The following CADM2 variants were observed in gnomAD, a reference collection of about 807,000 sequenced individuals.
The protein encoded by CADM2 is immunoglobulin superfamily member 4D.
In CADM2, 12 loss-of-function variants were observed where a neutral mutation model predicts 49.8. The ratio of observed to expected loss-of-function variants is 0.24; its 90% CI spans 0.15 to 0.39. The LOEUF is 0.39. Among genes scored for constraint, CADM2 ranks in the 10% least tolerant of loss-of-function variants. CADM2 has a pLI of 1.00. For synonymous variants in CADM2, 214 were observed against 175.4 expected (o/e 1.22, Z -1.74); for missense variants, 378 against 492.3 (o/e 0.77, Z 2.20).
At chr3:85,406,348 A>G (rs2035376743) in intron 1 of CADM2, among the ~76,000 whole-genome samples, 1 of 152,166 alleles carries the variant, frequency 6.6e-6, no homozygotes, top group East Asian at 1.9e-4. Flanking sequence ...CACATCACAA[A>G]TATTTTTTGA....
At chr3:85,107,901 A>G (rs568579286) in intron 1 of CADM2, among the ~76,000 whole-genome samples, 2 of 151,698 alleles carry the variant, frequency 1.3e-5, no homozygotes, top group East Asian at 3.9e-4. Context: ...GGGTTTTGCA[A>G]TGTTTGGCCA....
At chr3:85,938,716 A>C (rs148778031) in intron 7 of CADM2, among the ~76,000 whole-genome samples, 1 of 152,062 alleles carries the variant, frequency 6.6e-6, no homozygotes, top group Non-Finnish European at 1.5e-5. Context: ...GCAATACTAT[A>C]GCTTAGTATT....
chr3:85,905,548 T>C (rs1716684590), intron 5 of CADM2, among the ~76,000 whole-genome samples: 1 of 152,078 alleles, frequency 6.6e-6, no homozygotes, highest in African/African-American at 2.4e-5. Flanking sequence ...GATACTGTCC[T>C]AGATGCTGTA....
At chr3:84,976,799 C>T (rs2107117909) in intron 1 of CADM2, among the ~76,000 whole-genome samples, 1 of 152,002 alleles carries the variant, frequency 6.6e-6, no homozygotes, top group East Asian at 1.9e-4. Context: ...TATTAGTAAT[C>T]AATGGCTGCA....
chr3:85,457,539 A>G (rs887047899), intron 1 of CADM2, among the ~76,000 whole-genome samples: 1 of 152,136 alleles, frequency 6.6e-6, no homozygotes, highest in Non-Finnish European at 1.5e-5. Context: ...CTTTCTCTAT[A>G]CTATCATCAT....
At position 85,151,185 on chromosome 3, in the gene CADM2, A is replaced by C. The variant is rs571162440; in HGVS notation, c.61+191517A>C. 2.6e-5 allele frequency among the ~76,000 whole-genome samples: 4 copies of C among 152,216 alleles called. No individual in the cohort carries two copies. In the South Asian group the frequency reaches 8.3e-4, roughly 32 times the overall value. On this transcript the variant is annotated intron_variant, in intron 1 of 9. Coordinates refer to ENST00000383699, the MANE Select transcript of CADM2 (RefSeq NM_001167675.2). ...TTGCCTTTGATTTTGGGAGTGCTAT[A>C]GAGACTGCTCAGTTAATTTTATACA...
chr3:85,359,662 ATATAT>A (rs1301042744), intron 1 of CADM2, among the ~76,000 whole-genome samples: 8 of 25,924 alleles, frequency 3.1e-4, no homozygotes, highest in South Asian at 1.1e-3. Context: ...ATATATATAT[ATATAT>A]TTTTTTTTTT....
chr3:85,868,924 T>G (rs527566420), intron 3 of CADM2, among the ~76,000 whole-genome samples: 1 of 152,304 alleles, frequency 6.6e-6, no homozygotes, highest in South Asian at 2.1e-4. Context: ...ATTGGATCGT[T>G]TATTGTAATA....
At chr3:85,936,301 C>A (rs552347750) in intron 7 of CADM2, among the ~76,000 whole-genome samples, 1 of 151,438 alleles carries the variant, frequency 6.6e-6, no homozygotes, top group African/African-American at 2.4e-5. Flanking sequence ...TATGAAACAC[C>A]CAATGAAACA....
intron 1 of CADM2, among the ~76,000 whole-genome samples, chr3:85,267,327 G>T (rs544028577): frequency 6.6e-6 from 1 of 151,350 alleles, no homozygotes; most frequent in African/African-American, 2.4e-5. Context: ...CCTCTTTGCC[G>T]TTTTTTCAAA....
At chr3:85,250,751 A>G (rs1446962167) in intron 1 of CADM2, among the ~76,000 whole-genome samples, 1 of 151,790 alleles carries the variant, frequency 6.6e-6, no homozygotes. Context: ...CAGATGGATA[A>G]TAGTTTTGGT....
chr3:85,556,460 A>C (rs752807545), intron 1 of CADM2, among the ~76,000 whole-genome samples: 1 of 152,136 alleles, frequency 6.6e-6, no homozygotes, highest in Non-Finnish European at 1.5e-5. Context: ...GTCAAAAACT[A>C]CACTGTAATC....
chr3:85,743,717 G>T (rs1310154453), intron 2 of CADM2, among the ~76,000 whole-genome samples: 1 of 152,178 alleles, frequency 6.6e-6, no homozygotes, highest in African/African-American at 2.4e-5. Flanking sequence ...ACACTGAATA[G>T]CGCAAAGAGG....
At chr3:85,279,681 T>C (rs938241603) in intron 1 of CADM2, among the ~76,000 whole-genome samples, 2 of 151,498 alleles carry the variant, frequency 1.3e-5, no homozygotes, top group African/African-American at 4.8e-5. Flanking sequence ...GATTTTAATT[T>C]TAAGAAAATT....
intron 1 of CADM2, among the ~76,000 whole-genome samples, chr3:84,998,575 C>T (rs2033294317): frequency 6.6e-6 from 1 of 151,970 alleles, no homozygotes; most frequent in African/African-American, 2.4e-5. Flanking sequence ...TATAATTGAG[C>T]AAGAGTAGAT....
chr3:85,296,306 T>C (rs192600671), intron 1 of CADM2, among the ~76,000 whole-genome samples: 1 of 152,100 alleles, frequency 6.6e-6, no homozygotes, highest in Non-Finnish European at 1.5e-5. Flanking sequence ...AGAATTAATA[T>C]GTACTACATA....
At chr3:85,833,877 T>G (rs988013234) in intron 3 of CADM2, among the ~76,000 whole-genome samples, 1 of 151,640 alleles carries the variant, frequency 6.6e-6, no homozygotes, top group Admixed American at 6.6e-5. Flanking sequence ...GATATTTAGG[T>G]TTTTTTCCAT....
intron 1 of CADM2, among the ~76,000 whole-genome samples, chr3:85,416,742 A>C (rs1454279587): frequency 6.6e-6 from 1 of 152,180 alleles, no homozygotes; most frequent in Non-Finnish European, 1.5e-5. Flanking sequence ...TATGTATCAC[A>C]TTATAAGTCT....
chr3:85,273,694 T>C (rs1274995961), intron 1 of CADM2, among the ~76,000 whole-genome samples: 1 of 150,490 alleles, frequency 6.6e-6, no homozygotes, highest in Non-Finnish European at 1.5e-5. Flanking sequence ...ATTTTGGTTT[T>C]AGACATATTA....
Sources: gnomAD v4.1 joint callset for allele counts (sites outside exome capture counted in the v4.1 genomes callset) on GRCh38, gnomAD v4.1.1 for gene constraint, MANE v1.5 for transcripts, NCBI Gene and HGNC (gene_info 2026-07-23, HGNC 2026-07-21) for gene names.